Variants in OTUD7A observed in about 807,000 individuals in gnomAD.
The protein encoded by OTUD7A is OTU domain-containing protein 7A.
In OTUD7A, 12 loss-of-function variants were observed where a neutral mutation model predicts 65.7. That is an observed-to-expected ratio of 0.18 (90% CI 0.12 to 0.30). The LOEUF (loss-of-function observed/expected upper bound fraction) is 0.30, where lower values mean the gene tolerates loss of function less well. Ranked by LOEUF, OTUD7A falls within the 10% of genes least tolerant of loss-of-function variation. The pLI is 1.00. For missense variants in OTUD7A, 1,148 were observed against 1,304.8 expected (o/e 0.88, Z 1.85); for synonymous variants, 641 against 586.3 (o/e 1.09, Z -1.35).
rs1351943836 is a variant in OTUD7A at position 31,527,262 on chromosome 15, G to A, written c.699C>T (p.Leu233=). 1 of 1,614,076 alleles carries A rather than the reference G, an allele frequency of 6.2e-7. No homozygotes were observed. Among genetic ancestry groups the A allele is most frequent in the Non-Finnish European group, 8.5e-7 (1 of 1,180,038 alleles). The change falls in exon 7 of 13, where the codon CTC becomes CTT. Residue 233 remains leucine (L), a synonymous_variant. Coordinates refer to ENST00000307050, the MANE Select transcript of OTUD7A (RefSeq NM_001382637.1). ...HDRDLVLRKA[L]YTMMRTGAER... Reference sequence around the variant, plus strand: ...CAGCTCCCGTCCTCATCATGGTATAGAGAGCTTTCCGTAACACCAGGTCCC... The same window carrying A: ...CAGCTCCCGTCCTCATCATGGTATAAAGAGCTTTCCGTAACACCAGGTCCC...
intron 3 of OTUD7A, among the ~76,000 whole-genome samples, chr15:31,639,749 C>A (rs1271898883): frequency 6.6e-6 from 1 of 152,224 alleles, no homozygotes; most frequent in African/African-American, 2.4e-5. Flanking sequence ...CTTTAAGTTA[C>A]ATTTCCCTAA....
At chr15:31,778,729 GTC>G (rs932193725) in intron 1 of OTUD7A, among the ~76,000 whole-genome samples, 13 of 151,592 alleles carry the variant, frequency 8.6e-5, no homozygotes, top group African/African-American at 1.5e-4. Context: ...AGATGTGTGT[GTC>G]TCTCTCTCTC....
In OTUD7A at chr15:31,484,442, G is replaced by A; in HGVS notation, c.1654C>T (p.Arg552Cys). The part of the protein sequence containing the change: ...LGGLVHGKMG[R>C]ANSANGKNGD... ...TTCTTGCCATTGGCGGAGTTGGCGC[G>A]GCCCATCTTGCCGTGCACCAGGCCG... The change falls in exon 13 of 13, where the codon CGC becomes TGC. Residue 552 changes from arginine (R) to cysteine (C), a missense_variant. This residue lies in a region of OTUD7A where 842 missense variants were observed against 769.5 expected (regional missense o/e 1.09). Transcript: ENST00000307050. The surrounding 1 kb of genome is among the most constrained non-coding windows in gnomAD (Gnocchi z 4.5). 3 of 1,603,650 alleles carry A rather than the reference G, an allele frequency of 1.9e-6. No individual in the cohort carries two copies. Among genetic ancestry groups the A allele is most frequent in the Non-Finnish European group, 1.7e-6 (2 of 1,179,894 alleles).
At chr15:31,515,607 TACCCACCCACCC>T (rs905565434) in intron 8 of OTUD7A, among the ~76,000 whole-genome samples, 1 of 143,400 alleles carries the variant, frequency 7.0e-6, no homozygotes, top group Non-Finnish European at 1.5e-5. Flanking sequence ...TCTATCCATC[TACCCACCCACCC>T]ACCCATCTCT....
intron 1 of OTUD7A, among the ~76,000 whole-genome samples, chr15:31,836,637 T>A (rs1451070419): frequency 6.6e-6 from 1 of 152,122 alleles, no homozygotes; most frequent in African/African-American, 2.4e-5. Context: ...TAAAAAGAAT[T>A]ACGTACCATG....
intron 3 of OTUD7A, among the ~76,000 whole-genome samples, chr15:31,634,998 G>A (rs1339677813): frequency 2.6e-5 from 4 of 152,214 alleles, no homozygotes; most frequent in Non-Finnish European, 4.4e-5. Context: ...TGACAGGAAG[G>A]AAATCAGCTC....
chr15:31,762,579 A>G (rs1894995794), intron 1 of OTUD7A, among the ~76,000 whole-genome samples: 1 of 152,240 alleles, frequency 6.6e-6, no homozygotes, highest in African/African-American at 2.4e-5. Flanking sequence ...GGCTTTGATT[A>G]TAGAACTATA....
intron 1 of OTUD7A, among the ~76,000 whole-genome samples, chr15:31,862,527 C>A (rs1897769987): frequency 6.6e-6 from 1 of 152,160 alleles, no homozygotes; most frequent in Non-Finnish European, 1.5e-5. Context: ...AAAGGCACTT[C>A]TTACATGGCA....
chr15:31,784,463 A>G (rs1895620325), intron 1 of OTUD7A, among the ~76,000 whole-genome samples: 1 of 152,122 alleles, frequency 6.6e-6, no homozygotes, highest in Non-Finnish European at 1.5e-5. Flanking sequence ...CCTTTTCGTG[A>G]TATTTTTTGT....
intron 8 of OTUD7A, among the ~76,000 whole-genome samples, chr15:31,513,619 T>C (rs1304084597): frequency 6.6e-6 from 1 of 152,208 alleles, no homozygotes; most frequent in Non-Finnish European, 1.5e-5. Flanking sequence ...GTTTCTCTGT[T>C]TCCTCACAGT....
At chr15:31,805,740 T>C (rs541876210) in intron 1 of OTUD7A, among the ~76,000 whole-genome samples, 1 of 152,150 alleles carries the variant, frequency 6.6e-6, no homozygotes, top group Non-Finnish European at 1.5e-5. Flanking sequence ...GGTCCCTGAC[T>C]CCCGCTTCAA....
At position 31,646,308 on chromosome 15, in the gene OTUD7A, G is replaced by A. The variant is rs550149622; in HGVS notation, c.151+8788C>T. 1.6e-4 allele frequency among the ~76,000 whole-genome samples: 24 copies of A among 152,218 alleles called. No individual in the cohort carries two copies. In the East Asian group the frequency reaches 4.1e-3, roughly 26 times the overall value. On this transcript the variant is annotated intron_variant, in intron 3 of 12. Transcript: ENST00000307050. ...AAGGACACAAAGTGGTGGGGGGCAC[G>A]GGGGAATGGGGAGGCTTTATCCATG...
At chr15:31,590,503 G>T (rs569219450) in intron 3 of OTUD7A, among the ~76,000 whole-genome samples, 1 of 151,974 alleles carries the variant, frequency 6.6e-6, no homozygotes, top group Non-Finnish European at 1.5e-5. Flanking sequence ...CATTCATCAC[G>T]TGATGGAAAT....
At chr15:31,592,320 A>G (rs894430750) in intron 3 of OTUD7A, among the ~76,000 whole-genome samples, 11 of 152,172 alleles carry the variant, frequency 7.2e-5, no homozygotes, top group Non-Finnish European at 1.3e-4. Flanking sequence ...AAATACAAAC[A>G]TATGTACAAC....
chr15:31,512,048 T>C (rs2041761502), intron 8 of OTUD7A, among the ~76,000 whole-genome samples: 1 of 152,216 alleles, frequency 6.6e-6, no homozygotes, highest in Non-Finnish European at 1.5e-5. Context: ...AGGAATGTTT[T>C]ACTGCCCCTG....
chr15:31,798,569 A>G (rs1334735565), intron 1 of OTUD7A, among the ~76,000 whole-genome samples: 1 of 152,224 alleles, frequency 6.6e-6, no homozygotes, highest in African/African-American at 2.4e-5. Context: ...TGGGCCTGAC[A>G]GTGAATTTCC....
At chr15:31,608,346 G>A (rs756566915) in intron 3 of OTUD7A, among the ~76,000 whole-genome samples, 2 of 152,200 alleles carry the variant, frequency 1.3e-5, no homozygotes, top group Non-Finnish European at 2.9e-5. Flanking sequence ...AGAACTCGGT[G>A]CATATGGTTA....
At chr15:31,762,506 G>T (rs970463312) in intron 1 of OTUD7A, among the ~76,000 whole-genome samples, 1 of 152,254 alleles carries the variant, frequency 6.6e-6, no homozygotes, top group Non-Finnish European at 1.5e-5. Flanking sequence ...AAAGGGAGGT[G>T]TGATCTTCTG....
At chr15:31,865,365 C>T (rs886850323) in intron 1 of OTUD7A, among the ~76,000 whole-genome samples, 1 of 151,988 alleles carries the variant, frequency 6.6e-6, no homozygotes, top group African/African-American at 2.4e-5. Context: ...GTTTTTAGAC[C>T]CCCAAGATAA....
Sources: allele counts gnomAD v4.1 joint callset (sites outside exome capture counted in the v4.1 genomes callset), GRCh38; gene constraint gnomAD v4.1.1; regional missense constraint gnomAD v4.1.1; non-coding constraint Gnocchi (gnomAD v3.1); transcripts MANE v1.5; gene names NCBI Gene and HGNC (gene_info 2026-07-23, HGNC 2026-07-21).